UNC119: variants seen among roughly 807,000 people sequenced by gnomAD.
The protein encoded by UNC119 is protein unc-119 homolog A.
In UNC119, 15 loss-of-function variants were observed where a neutral mutation model predicts 22.6. The ratio of observed to expected loss-of-function variants is 0.66; its 90% CI spans 0.44 to 1.02. The LOEUF (loss-of-function observed/expected upper bound fraction) is 1.02, where lower values mean the gene tolerates loss of function less well. UNC119 is among the 50% of genes least tolerant of loss of function. The pLI is 0.00. For synonymous variants in UNC119, 138 were observed against 139.4 expected, an observed-to-expected ratio of 0.99 and a Z score of 0.07; for missense variants, 322 against 336.0, an observed-to-expected ratio of 0.96 and a Z score of 0.33.
rs912039715 is a variant in UNC119, at chr17:28,552,590, C to A, written c.-33G>T. 5.4e-6 allele frequency: 8 copies of A among 1,479,124 alleles called. No homozygotes were observed. The African/African-American group carries it at 1.0e-4, about 19-fold the overall frequency. The allele number at this position is 1,479,124 out of a possible 1,614,324, so 91.6% of individuals were successfully genotyped here. On this transcript the variant is annotated 5_prime_UTR_variant, in exon 1 of 5. Coordinates refer to ENST00000335765, the MANE Select transcript of UNC119 (RefSeq NM_005148.4). ...CGGGGCCGAGGCTCGCCTGCTGCTG[C>A]CGCCGCTGCCTGCGCCGGCTGGAGC...
chr17:28,550,203 T>A (rs566562871), intron 1 of UNC119: 1 of 152,184 alleles, frequency 6.6e-6, no homozygotes, highest in African/African-American at 2.4e-5. Context: ...TCACCCTATT[T>A]TCACAGAAAG....
intron 1 of UNC119, 108 bp downstream of exon 1, chr17:28,552,230 G>A (rs1204792852): frequency 1.9e-6 from 2 of 1,050,194 alleles, no homozygotes; most frequent in East Asian, 5.5e-5. Flanking sequence ...CTCGGTGGGG[G>A]AGGGGAGGCG....
In UNC119 at chr17:28,546,886, G is replaced by T. The variant is rs1303007525; in HGVS notation, c.*411C>A. The T allele has an allele frequency of 3.2e-6, 1 of 315,370 alleles. No individual in the cohort carries two copies. The allele number at this position is 315,370 out of a possible 1,614,324, so 19.5% of individuals were successfully genotyped here. A position where few individuals can be genotyped will look rare whatever the true frequency, so the allele number is the denominator to read the frequency against. On this transcript the variant is annotated 3_prime_UTR_variant, in exon 5 of 5. Coordinates refer to ENST00000335765, the MANE Select transcript of UNC119 (RefSeq NM_005148.4). ...GGTGGCTTGGCAGCTGGAGCCCACCGTGGATCTTTGTAAATTTACAACTCT... is the reference window on the plus strand; with the variant it reads ...GGTGGCTTGGCAGCTGGAGCCCACCTTGGATCTTTGTAAATTTACAACTCT...
Position 28,548,092 on chromosome 17 carries a change from G to A in UNC119, c.344C>T (p.Pro115Leu). Reference protein sequence around the residue: ...IKKPPVSERLPINRRDLDPNA... With the variant: ...IKKPPVSERLLINRRDLDPNA... The stretch of plus-strand genomic sequence containing the variant: ...GGGGTCCAGGTCCCGCCGGTTGATG[G>A]GCAACCGTTCTGCAATGTACCCCAG... Residue 115 changes from proline to leucine, a missense_variant, in exon 3 of 5, where the codon CCC (proline) becomes CTC (leucine). Pro to Leu is a moderately conservative substitution (Grantham distance 98). Transcript: ENST00000335765. The A allele has an allele frequency of 6.2e-7, 1 of 1,613,342 alleles. No homozygotes were observed. Among genetic ancestry groups the A allele is most frequent in the Non-Finnish European group, 8.5e-7 (1 of 1,179,868 alleles).
Position 28,546,941 on chromosome 17 carries a change from A to G in UNC119, c.*356T>C, listed in dbSNP as rs1213731409. 6 of 344,632 alleles carry G rather than the reference A, an allele frequency of 1.7e-5. No individual in the cohort carries two copies. The Admixed American group carries it at 1.9e-4, about 11-fold the overall frequency. 21.3% of individuals were successfully genotyped at this position (344,632 alleles called of 1,614,324 possible). The stretch of plus-strand genomic sequence containing the variant: ...GGCCTGAAGGTAGTGGGCAGGGGAC[A>G]GGGAATGGATCCCTGCCTGATCTAG... On this transcript the variant is annotated 3_prime_UTR_variant, in exon 5 of 5. Transcript: ENST00000335765.
intron 1 of UNC119, 146 bp from the exon 2 acceptor site, chr17:28,548,851 G>A (rs1387748148): frequency 1.6e-6 from 1 of 640,940 alleles, no homozygotes. Context: ...CCTGCCCTTG[G>A]GGTACACCCC....
In UNC119 at chr17:28,552,333, C is replaced by A; in HGVS notation, c.220+5G>T. 1 of 1,533,810 alleles carries A rather than the reference C, an allele frequency of 6.5e-7. No individual in the cohort carries two copies. Among genetic ancestry groups the A allele is most frequent in the Non-Finnish European group, 8.7e-7 (1 of 1,146,108 alleles). On this transcript the variant is annotated splice_donor_5th_base_variant and intron_variant, in intron 1 of 4. Transcript: ENST00000335765. ...CGCGGGCGGCGCTCCCTCGCGGGTG[C>A]TCACCACCGGTGATCCGCTGCAGCC...
Position 28,547,219 on chromosome 17 carries a change from G to A in UNC119, c.*78C>T, listed in dbSNP as rs558661546. ...AGAACTCCCCAAGCAGAGGACTTGG[G>A]GTTGAGGGGTGAGCGTTGGGGAGGT... On this transcript the variant is annotated 3_prime_UTR_variant, in exon 5 of 5. Transcript: ENST00000335765. The A allele has an allele frequency of 6.4e-6, 10 of 1,556,848 alleles. No individual in the cohort carries two copies. The East Asian group carries it at 2.3e-4, about 36-fold the overall frequency.
At chr17:28,549,458 A>T (rs2070247736) in intron 1 of UNC119, 1 of 152,238 alleles carries the variant, frequency 6.6e-6, no homozygotes, top group Non-Finnish European at 1.5e-5. Context: ...AGCTCTGCTG[A>T]CTCAAGCCCA....
At chr17:28,549,818 G>C (rs150425498) in intron 1 of UNC119, 2 of 152,352 alleles carry the variant, frequency 1.3e-5, no homozygotes, top group African/African-American at 4.8e-5. Context: ...AACTTCAAGT[G>C]CTCAGGGAGG....
At chr17:28,547,911 A>G (rs2151507505) in intron 3 of UNC119, 62 bp from the exon 4 acceptor site, 1 of 1,612,796 alleles carries the variant, frequency 6.2e-7, no homozygotes, top group African/African-American at 1.3e-5. Context: ...AGCCAGGCTC[A>G]GGACAGGCCA....
chr17:28,548,435 G>A (rs775919819), intron 2 of UNC119, among the ~76,000 whole-genome samples, 157 bp downstream of exon 2: 19 of 152,294 alleles, frequency 1.2e-4, no homozygotes, highest in Middle Eastern at 3.4e-3. Flanking sequence ...AAACATATGG[G>A]AAGGAAAAGA....
At chr17:28,551,388 C>A in intron 1 of UNC119, 1 of 152,498 alleles carries the variant, frequency 6.6e-6, no homozygotes. Context: ...TGATGACCCC[C>A]TCCCCTGCCC....
At position 28,547,996 on chromosome 17, in the gene UNC119, C is replaced by CA; in HGVS notation, c.437+2dup. On this transcript the variant is annotated splice_region_variant and intron_variant, in intron 3 of 4. Coordinates refer to ENST00000335765, the MANE Select transcript of UNC119 (RefSeq NM_005148.4). ...CACCACCACCCATAGCCCAGCGACT[C>CA]ACGTGGCTCCCACCTGCCTCAGGCG... 1 of 1,613,868 alleles carries CA rather than the reference C, an allele frequency of 6.2e-7. No individual in the cohort carries two copies. Among genetic ancestry groups the CA allele is most frequent in the South Asian group, 1.1e-5 (1 of 91,070 alleles).
rs1336367943 is a variant in UNC119 at position 28,547,178 on chromosome 17, G to A, written c.*119C>T. ...ACCCTTCCTCCCAACATTGACTCAG[G>A]GTCCGGAGCTCCTGGAGAACTCCCC... On this transcript the variant is annotated 3_prime_UTR_variant, in exon 5 of 5. Transcript: ENST00000335765. 2.4e-6 allele frequency: 3 copies of A among 1,225,634 alleles called. No individual in the cohort carries two copies. In the African/African-American group the frequency reaches 4.5e-5, roughly 18 times the overall value. The allele number at this position is 1,225,634 out of a possible 1,614,324, so 75.9% of individuals were successfully genotyped here.
chr17:28,547,902 G>A (rs2070226734), intron 3 of UNC119, 53 bp from the exon 4 acceptor site: 3 of 1,612,566 alleles, frequency 1.9e-6, no homozygotes, highest in Admixed American at 3.3e-5. Context: ...CAACTAGCCA[G>A]CCAGGCTCAG....
Position 28,552,563 on chromosome 17 carries a change from T to C in UNC119, c.-6A>G. 6.6e-7 allele frequency: 1 copy of C among 1,512,062 alleles called. No homozygotes were observed. Among genetic ancestry groups the C allele is most frequent in the Non-Finnish European group, 8.8e-7 (1 of 1,139,488 alleles). The allele number at this position is 1,512,062 out of a possible 1,614,324, so 93.7% of individuals were successfully genotyped here. A position where few individuals can be genotyped will look rare whatever the true frequency, so the allele number is the denominator to read the frequency against. The stretch of plus-strand genomic sequence containing the variant: ...CCGCCCTTCTTCACCTTCATGGCCT[T>C]GCGGGGCCGAGGCTCGCCTGCTGCT... On this transcript the variant is annotated 5_prime_UTR_variant, in exon 1 of 5. Coordinates refer to ENST00000335765, the MANE Select transcript of UNC119 (RefSeq NM_005148.4).
Position 28,547,680 on chromosome 17 carries a change from G to T in UNC119, c.607C>A (p.Leu203Met). ...IYDFPPLSEE[L>M]ISEMIRHPYE... ...CCAGAAGACCCTGCCCGCGCACTCA[G>T]CTCCTCGGAGAGAGGGGGGAAGTCG... The change falls in exon 4 of 5, where the codon CTG becomes ATG. Residue 203 changes from leucine to methionine, a missense_variant. Transcript: ENST00000335765. The T allele has an allele frequency of 6.2e-7, 1 of 1,614,212 alleles. No individual in the cohort carries two copies. Among genetic ancestry groups the T allele is most frequent in the Non-Finnish European group, 8.5e-7 (1 of 1,180,040 alleles).
Position 28,547,781 on chromosome 17 carries a change from T to C in UNC119, c.506A>G (p.Asn169Ser), listed in dbSNP as rs184171969. 6.8e-6 allele frequency: 11 copies of C among 1,614,160 alleles called. No homozygotes were observed. The East Asian group carries it at 2.5e-4, about 36-fold the overall frequency. Residue 169 changes from asparagine (N) to serine (S), a missense_variant, in exon 4 of 5, where the codon AAC becomes AGC. Coordinates refer to ENST00000335765, the MANE Select transcript of UNC119 (RefSeq NM_005148.4). ...FRMIERHYFRNQLLKSFDFHF... is the reference protein window; with the variant it reads ...FRMIERHYFRSQLLKSFDFHF... ...GAAGTCGAAGCTTTTGAGTAGCTGG[T>C]TGCGGAAGTAGTGCCTCTCGATCAT...
Sources: allele counts gnomAD v4.1 joint callset (sites outside exome capture counted in the v4.1 genomes callset), GRCh38; gene constraint gnomAD v4.1.1; transcripts MANE v1.5; gene names NCBI Gene and HGNC (gene_info 2026-07-23, HGNC 2026-07-21).